The following TMEM38B variants were observed in gnomAD, a reference collection of about 807,000 sequenced individuals.
The protein encoded by TMEM38B is transmembrane protein 38B, also known as trimeric intracellular cation channel type B.
In TMEM38B, 24 loss-of-function variants were observed where a neutral mutation model predicts 28.7. That is an observed-to-expected ratio of 0.84 (90% CI 0.61 to 1.18). The LOEUF (loss-of-function observed/expected upper bound fraction) is 1.18. Among genes scored for constraint, TMEM38B ranks in the 50% most tolerant of loss-of-function variants. The probability of loss-of-function intolerance (pLI) is 0.00; values close to 1 mark genes in which losing one functional copy is unlikely to be tolerated. For missense variants in TMEM38B, 380 were observed against 350.9 expected, an observed-to-expected ratio of 1.08 and a Z score of -0.66; for synonymous variants, 131 against 127.7, an observed-to-expected ratio of 1.03 and a Z score of -0.17.
intron 4 of TMEM38B, among the ~76,000 whole-genome samples, chr9:105,734,311 T>C (rs1588433431): frequency 6.6e-6 from 1 of 152,170 alleles, no homozygotes; most frequent in East Asian, 1.9e-4. Flanking sequence ...TGACACTTGA[T>C]GTGACTTTAA....
At chr9:105,733,255 C>G (rs773191975) in intron 4 of TMEM38B, among the ~76,000 whole-genome samples, 12 of 151,916 alleles carry the variant, frequency 7.9e-5, no homozygotes, top group Non-Finnish European at 5.9e-5. Context: ...TAGGTCTGCT[C>G]AGCTCTGGGC....
chr9:105,703,541 A>G (rs899213813), intron 1 of TMEM38B, among the ~76,000 whole-genome samples: 1 of 152,218 alleles, frequency 6.6e-6, no homozygotes. Context: ...TGCATGATTT[A>G]TAGTCCTTTG....
chr9:105,730,935 G>A (rs945589214), intron 4 of TMEM38B, among the ~76,000 whole-genome samples: 14 of 151,830 alleles, frequency 9.2e-5, no homozygotes, highest in Non-Finnish European at 1.2e-4. Context: ...TTTTTATTGC[G>A]TCTATTTGAT....
Position 105,776,285 on chromosome 9 carries a change from C to A in TMEM38B, c.*2205C>A, listed in dbSNP as rs1472717629. On this transcript the variant is annotated 3_prime_UTR_variant, in exon 6 of 6. Transcript: ENST00000374692. The stretch of plus-strand genomic sequence containing the variant: ...AAGTAAAACATGGCCAAATGAATAT[C>A]AAACTGGTTTATCAGATTAGTCACT... The A allele has an allele frequency of 1.3e-5, 2 of 152,052 alleles. No homozygotes were observed. Among genetic ancestry groups the A allele is most frequent in the Non-Finnish European group, 2.9e-5 (2 of 68,028 alleles). The allele number at this position is 152,052 out of a possible 1,614,324, so 9.4% of individuals were successfully genotyped here.
intron 5 of TMEM38B, among the ~76,000 whole-genome samples, chr9:105,754,243 CAG>C (rs1196339058): frequency 6.6e-6 from 1 of 152,110 alleles, no homozygotes; most frequent in East Asian, 1.9e-4. Context: ...AGAAAATTAA[CAG>C]AGATATTCAG....
At chr9:105,712,257 C>G (rs12345407) in intron 2 of TMEM38B, among the ~76,000 whole-genome samples, 3 of 152,064 alleles carry the variant, frequency 2.0e-5, no homozygotes, top group African/African-American at 7.3e-5. Context: ...ATACCAGTAT[C>G]CTGACTTTTA....
At chr9:105,764,842 C>G (rs1202509136) in intron 5 of TMEM38B, among the ~76,000 whole-genome samples, 5 of 151,410 alleles carry the variant, frequency 3.3e-5, no homozygotes, top group African/African-American at 1.2e-4. Context: ...TACTACAAGG[C>G]TACAGTAACC....
intron 1 of TMEM38B, 151 bp from the exon 2 acceptor site, chr9:105,705,446 A>G: frequency 1.3e-6 from 1 of 790,226 alleles, no homozygotes; most frequent in African/African-American, 1.7e-5. Context: ...AAAAGGTATG[A>G]TTTTTAATGA....
At chr9:105,708,580 A>G (rs1425942408) in intron 2 of TMEM38B, among the ~76,000 whole-genome samples, 3 of 152,152 alleles carry the variant, frequency 2.0e-5, no homozygotes, top group Non-Finnish European at 2.9e-5. Context: ...ACTTTCTTTT[A>G]TGTAACGTCT....
At chr9:105,720,315 T>C (rs570397447) in intron 2 of TMEM38B, among the ~76,000 whole-genome samples, 1 of 150,764 alleles carries the variant, frequency 6.6e-6, no homozygotes, top group Non-Finnish European at 1.5e-5. Context: ...AGAACTATTG[T>C]AGTTCATTAT....
At chr9:105,736,395 AT>A (rs1002403883) in intron 4 of TMEM38B, among the ~76,000 whole-genome samples, 10 of 146,384 alleles carry the variant, frequency 6.8e-5, no homozygotes, top group African/African-American at 1.3e-4. Flanking sequence ...TTGCAGCTCT[AT>A]TTTTTTTTTA....
intron 4 of TMEM38B, among the ~76,000 whole-genome samples, chr9:105,740,071 C>T (rs113054994): frequency 1.5e-3 from 209 of 142,386 alleles, no homozygotes; most frequent in African/African-American, 5.0e-3. Context: ...TTAGTAGAGA[C>T]GGGGTTTCAC....
At chr9:105,728,530 A>C (rs769195897) in intron 4 of TMEM38B, among the ~76,000 whole-genome samples, 7 of 152,178 alleles carry the variant, frequency 4.6e-5, no homozygotes, top group Non-Finnish European at 8.8e-5. Flanking sequence ...GCTATTATGA[A>C]TAGTGCCGCA....
intron 1 of TMEM38B, among the ~76,000 whole-genome samples, chr9:105,698,301 C>A (rs1835354267): frequency 6.6e-6 from 1 of 151,998 alleles, no homozygotes; most frequent in Admixed American, 6.6e-5. Context: ...CCTGATATTC[C>A]TGAATTTAAT....
chr9:105,775,971 C>G lies in TMEM38B; in HGVS notation c.*1891C>G, dbSNP rs1003636359. The G allele has an allele frequency of 2.6e-5, 4 of 151,980 alleles. No homozygotes were observed. The highest frequency in any genetic ancestry group is 9.7e-5 in the African/African-American group (4 of 41,358). 9.4% of individuals were successfully genotyped at this position (151,980 alleles called of 1,614,324 possible). ...TTAATCTATGCAAGTATCCTATAAC[C>G]CTCAATTCAAGGCTCTTTTGTAAAA... On this transcript the variant is annotated 3_prime_UTR_variant, in exon 6 of 6. Coordinates refer to ENST00000374692, the MANE Select transcript of TMEM38B (RefSeq NM_018112.3).
intron 5 of TMEM38B, chr9:105,759,326 G>T: frequency 2.1e-6 from 2 of 969,958 alleles, no homozygotes; most frequent in South Asian, 1.4e-5. Flanking sequence ...TTCACAATTT[G>T]AATTCCTTCA....
Position 105,736,055 on chromosome 9 carries a change from GTT to G in TMEM38B, c.543-12005_543-12004del, listed in dbSNP as rs59000736. Among the ~76,000 whole-genome samples, 137 of 135,738 alleles carry G rather than the reference GTT, an allele frequency of 1.0e-3. 1 individual carries two copies. Among genetic ancestry groups the G allele is most frequent in the African/African-American group, 3.4e-3 (130 of 37,864 alleles). The allele number at this position is 135,738 out of a possible 152,430, so 89.0% of individuals were successfully genotyped here. ...TGACTAACTAAAACACATTTTTTTT[GTT>G]TTTTTTTTTTTTGGTAGAGATAGGA... is the stretch of plus-strand genomic sequence containing the variant. On this transcript the variant is annotated intron_variant, in intron 4 of 5. Coordinates refer to ENST00000374692, the MANE Select transcript of TMEM38B (RefSeq NM_018112.3).
chr9:105,726,228 A>G (rs1373267836), intron 4 of TMEM38B, among the ~76,000 whole-genome samples: 2 of 152,130 alleles, frequency 1.3e-5, no homozygotes, highest in Admixed American at 1.3e-4. Context: ...ACTAGATCTT[A>G]TTCCTTCTAA....
Position 105,730,779 on chromosome 9 carries a change from C to T in TMEM38B, c.542+8158C>T, listed in dbSNP as rs189276477. ...GTCTATTCAGAGATTCAACTTCTTCCTGGTTTAGTCTTGGGAGGGTGTATG... is the reference window on the plus strand; with the variant it reads ...GTCTATTCAGAGATTCAACTTCTTCTTGGTTTAGTCTTGGGAGGGTGTATG... On this transcript the variant is annotated intron_variant, in intron 4 of 5. Transcript: ENST00000374692. Among the ~76,000 whole-genome samples, 1,477 of 152,182 alleles carry T rather than the reference C, an allele frequency of 9.7e-3. 20 individuals are homozygous for T. The highest frequency in any genetic ancestry group is 0.034 in the African/African-American group (1,407 of 41,512).
Sources: allele counts gnomAD v4.1 joint callset (sites outside exome capture counted in the v4.1 genomes callset), GRCh38; gene constraint gnomAD v4.1.1; transcripts MANE v1.5; gene names NCBI Gene and HGNC (gene_info 2026-07-23, HGNC 2026-07-21).